DNPEP: variants seen among roughly 807,000 people sequenced by gnomAD.
The protein encoded by DNPEP is aspartyl aminopeptidase.
Under a neutral mutation model 59.1 loss-of-function variants are expected in DNPEP, and 46 were observed. The observed-to-expected ratio is 0.78, with a 90% CI of 0.61 to 0.99. The LOEUF (loss-of-function observed/expected upper bound fraction) is 0.99, where lower values mean the gene tolerates loss of function less well. Among genes scored for constraint, DNPEP ranks in the 50% least tolerant of loss-of-function variants. The probability of loss-of-function intolerance (pLI) is 0.00; values close to 1 mark genes in which losing one functional copy is unlikely to be tolerated. For missense variants in DNPEP, 617 were observed against 649.9 expected (o/e 0.95, Z 0.55); for synonymous variants, 229 against 242.2 (o/e 0.95, Z 0.50).
chr2:219,375,085 G>T, intron 13 of DNPEP, 63 bp from the exon 14 acceptor site: 2 of 1,558,644 alleles, frequency 1.3e-6, no homozygotes, highest in Non-Finnish European at 1.8e-6. Flanking sequence ...CAAGGAGGAC[G>T]CCATCTTAGA....
At chr2:219,396,046 A>G (rs1472664271) in intron 1 of DNPEP, among the ~76,000 whole-genome samples, 1 of 152,210 alleles carries the variant, frequency 6.6e-6, no homozygotes, top group East Asian at 1.9e-4. Flanking sequence ...AACGCTGTGG[A>G]TGGATCTCAG....
intron 9 of DNPEP, among the ~76,000 whole-genome samples, chr2:219,383,522 T>C (rs1249974980): frequency 6.7e-6 from 1 of 149,794 alleles, no homozygotes; most frequent in Non-Finnish European, 1.5e-5. Context: ...AATAGCTAGG[T>C]AGAAACCTTT....
intron 13 of DNPEP, 36 bp from the exon 14 acceptor site, chr2:219,375,058 T>C (rs911700352): frequency 4.4e-6 from 7 of 1,606,846 alleles, no homozygotes; most frequent in Non-Finnish European, 5.1e-6. Flanking sequence ...CAACATGCAG[T>C]GTGTGCTTAT....
At chr2:219,380,295 A>C (rs1330844107) in intron 13 of DNPEP, among the ~76,000 whole-genome samples, 2 of 148,176 alleles carry the variant, frequency 1.3e-5, no homozygotes, top group Admixed American at 1.4e-4. Context: ...GGCTCACTGC[A>C]ACGTCCACCT....
intron 1 of DNPEP, among the ~76,000 whole-genome samples, chr2:219,393,917 C>T (rs2125152230): frequency 6.6e-6 from 1 of 152,280 alleles, no homozygotes; most frequent in East Asian, 1.9e-4. Context: ...GATTCCACCC[C>T]TCTTGCTTAC....
chr2:219,391,022 G>A (rs902233462), upstream of DNPEP, among the ~76,000 whole-genome samples: 52 of 152,114 alleles, frequency 3.4e-4, no homozygotes, highest in Non-Finnish European at 1.5e-5. Flanking sequence ...CCTGTTCCAG[G>A]AATGACTCTA....
chr2:219,384,783 AG>A (rs1264816355), intron 8 of DNPEP: 1 of 242,672 alleles, frequency 4.1e-6, no homozygotes, highest in Non-Finnish European at 8.2e-6. Context: ...TGGTCAGGCT[AG>A]TCTCGAACTC....
At position 219,386,877 on chromosome 2, in the gene DNPEP, C is replaced by A; in HGVS notation, c.219+15G>T. 6.2e-7 allele frequency: 1 copy of A among 1,607,118 alleles called. No individual in the cohort carries two copies. Reference sequence around the variant, plus strand: ...CTAGGGACCTGCCTTTCCACCCCCACCCCACCCCCAGTACCTTGCTCTCGG... The same window carrying A: ...CTAGGGACCTGCCTTTCCACCCCCAACCCACCCCCAGTACCTTGCTCTCGG... On this transcript the variant is annotated intron_variant, in intron 3 of 14. Transcript: ENST00000273075.
chr2:219,396,907 G>C (rs921185863), intron 1 of DNPEP, among the ~76,000 whole-genome samples: 3 of 152,130 alleles, frequency 2.0e-5, no homozygotes, highest in Non-Finnish European at 4.4e-5. Flanking sequence ...AAATAAAAAG[G>C]TTTTCAGAAT....
At position 219,385,336 on chromosome 2, in the gene DNPEP, G is replaced by T. The variant is rs767001558; in HGVS notation, c.774+88C>A. 3.8e-5 allele frequency: 30 copies of T among 791,164 alleles called. No homozygotes were observed. The African/African-American group carries it at 4.8e-4, about 13-fold the overall frequency. The allele number at this position is 791,164 out of a possible 1,614,324, so 49.0% of individuals were successfully genotyped here. The stretch of plus-strand genomic sequence containing the variant: ...GATGAGAGTTACTGAGGGCTTGGTG[G>T]AGGTGATGGGTGCTTCAGCAGGACG... On this transcript the variant is annotated intron_variant, in intron 8 of 14. Coordinates refer to ENST00000273075, the MANE Select transcript of DNPEP (RefSeq NM_012100.4).
chr2:219,399,277 A>G (rs1259070384), intron 1 of DNPEP, among the ~76,000 whole-genome samples: 2 of 152,244 alleles, frequency 1.3e-5, no homozygotes, highest in Non-Finnish European at 2.9e-5. Context: ...TTCATCAGTA[A>G]TAAAAATATC....
At chr2:219,380,861 A>ACACACACACACACACACACACACACT (rs1171039255) in intron 13 of DNPEP, among the ~76,000 whole-genome samples, 1 of 151,874 alleles carries the variant, frequency 6.6e-6, no homozygotes, top group Non-Finnish European at 1.5e-5. Flanking sequence ...ACACACACAC[A>ACACACACACACACACACACACACACT]CTGAGGAGAA....
chr2:219,385,600 C>T (rs878437), intron 7 of DNPEP, 31 bp downstream of exon 7: 1 of 1,612,074 alleles, frequency 6.2e-7, no homozygotes, highest in Non-Finnish European at 8.5e-7. Flanking sequence ...GGGACTCTGC[C>T]GCCCTCCCCA....
In DNPEP at chr2:219,387,404, CT is replaced by C. The variant is rs1953895770; in HGVS notation, c.37-242del. 3 of 1,438,574 alleles carry C rather than the reference CT, an allele frequency of 2.1e-6. No individual in the cohort carries two copies. In the African/African-American group the frequency reaches 4.3e-5, roughly 21 times the overall value. 89.1% of individuals were successfully genotyped at this position (1,438,574 alleles called of 1,614,324 possible). ...TTAATCCGAACTTTAGCCCGACTCC[CT>C]AAGTCCCGCCCCCATGTCCCTGCCC... On this transcript the variant is annotated intron_variant, in intron 1 of 14. Transcript: ENST00000273075.
chr2:219,385,537 G>A lies in DNPEP; in HGVS notation c.667-6C>T. The A allele has an allele frequency of 6.2e-7, 1 of 1,604,936 alleles. No individual in the cohort carries two copies. The highest frequency in any genetic ancestry group is 8.5e-7 in the Non-Finnish European group (1 of 1,172,616). ...ACCGAATGGTGCCGCTCATCCTGAA[G>A]AGCAGAAAGATGCTGGGAAGAGTCC... On this transcript the variant is annotated splice_region_variant and splice_polypyrimidine_tract_variant and intron_variant, in intron 7 of 14. Transcript: ENST00000273075.
chr2:219,391,497 T>G (rs1954015926), upstream of DNPEP, among the ~76,000 whole-genome samples: 1 of 152,188 alleles, frequency 6.6e-6, no homozygotes, highest in Admixed American at 6.5e-5. Flanking sequence ...AGTAAAATGT[T>G]TGGAAAGGTG....
Position 219,386,418 on chromosome 2 carries a change from G to T in DNPEP, c.334-7C>A. On this transcript the variant is annotated splice_polypyrimidine_tract_variant and splice_region_variant and intron_variant, in intron 4 of 14. Coordinates refer to ENST00000273075, the MANE Select transcript of DNPEP (RefSeq NM_012100.4). ...GGCGAGACCGACGTTTCACCTGAGT[G>T]TAAAGATGGAGAAGTCAGAGAAGGC... is the stretch of plus-strand genomic sequence containing the variant. The T allele has an allele frequency of 1.2e-6, 2 of 1,614,228 alleles. No homozygotes were observed. The highest frequency in any genetic ancestry group is 1.7e-6 in the Non-Finnish European group (2 of 1,180,040).
At position 219,373,044 on chromosome 2, in the gene DNPEP, T is replaced by C. The variant is rs915705656; in HGVS notation, c.*1248A>G. On this transcript the variant is annotated 3_prime_UTR_variant, in exon 15 of 15. Transcript: ENST00000273075. ...ATTTTAGTGGAAGGAAGGAGGTTGGTTTATAAGCAGGCTTTGACTTTTTCT... is the reference window on the plus strand; with the variant it reads ...ATTTTAGTGGAAGGAAGGAGGTTGGCTTATAAGCAGGCTTTGACTTTTTCT... Among the ~76,000 whole-genome samples the C allele has an allele frequency of 1.3e-5, 2 of 151,952 alleles. No homozygotes were observed. The highest frequency in any genetic ancestry group is 2.4e-5 in the African/African-American group (1 of 41,410).
intron 13 of DNPEP, among the ~76,000 whole-genome samples, chr2:219,377,206 G>A (rs575144527): frequency 1.4e-5 from 2 of 140,412 alleles, no homozygotes; most frequent in South Asian, 2.3e-4. Context: ...CCAGGGAGGC[G>A]GAGGTTGCAA....
Sources: gnomAD v4.1 joint callset for allele counts (sites outside exome capture counted in the v4.1 genomes callset) on GRCh38, gnomAD v4.1.1 for gene constraint, MANE v1.5 for transcripts, NCBI Gene and HGNC (gene_info 2026-07-23, HGNC 2026-07-21) for gene names.